The following TDRP variants were observed in gnomAD, a reference collection of about 807,000 sequenced individuals.
TDRP encodes testis development related protein.
In TDRP, 12 loss-of-function variants were observed where a neutral mutation model predicts 10.5. The ratio of observed to expected loss-of-function variants is 1.15; its 90% confidence interval spans 0.73 to 1.86. The LOEUF (loss-of-function observed/expected upper bound fraction) is 1.86. TDRP is among the 40% of genes most tolerant of loss of function. The pLI, the probability that TDRP is intolerant of heterozygous loss-of-function variation, is 0.00. For synonymous variants in TDRP, 139 were observed against 95.4 expected (o/e 1.46, Z -2.67); for missense variants, 353 against 229.2 (o/e 1.54, Z -3.49).
chr8:522,745 C>G (rs1801939351), intron 1 of TDRP, among the ~76,000 whole-genome samples: 1 of 152,190 alleles, frequency 6.6e-6, no homozygotes, highest in South Asian at 2.1e-4. Context: ...ACCCCTGCCT[C>G]TGATTCCTCA....
intron 1 of TDRP, among the ~76,000 whole-genome samples, chr8:536,837 C>T (rs1802360127): frequency 6.6e-6 from 1 of 152,162 alleles, no homozygotes; most frequent in African/African-American, 2.4e-5. Context: ...GAATAAGCAG[C>T]GCCCAGGATC....
At chr8:503,970 G>C (rs565977782) in intron 1 of TDRP, among the ~76,000 whole-genome samples, 1 of 108,282 alleles carries the variant, frequency 9.2e-6, no homozygotes, top group Non-Finnish European at 1.9e-5. Context: ...CTCAGCACAA[G>C]TCAACATGGA....
chr8:520,938 A>G (rs1801886076), intron 1 of TDRP, among the ~76,000 whole-genome samples: 1 of 151,940 alleles, frequency 6.6e-6, no homozygotes, highest in African/African-American at 2.4e-5. Context: ...TTAAATTTTG[A>G]TATGCTTCAA....
rs1165213677 is a variant in TDRP, at chr8:491,294, T to C, written c.*1105A>G. ...TTTACTTTTAAACAAAAAAGAAAAATATACCTTTTCTTTCAAACCACTTTT... is the reference window on the plus strand; with the variant it reads ...TTTACTTTTAAACAAAAAAGAAAAACATACCTTTTCTTTCAAACCACTTTT... On this transcript the variant is annotated 3_prime_UTR_variant, in exon 3 of 3. Transcript: ENST00000324079. 2 of 252,652 alleles carry C rather than the reference T, an allele frequency of 7.9e-6. No homozygotes were observed. Among genetic ancestry groups the C allele is most frequent in the Admixed American group, 5.5e-5 (1 of 18,278 alleles). The allele number at this position is 252,652 out of a possible 1,614,324, so 15.7% of individuals were successfully genotyped here.
chr8:526,429 T>A (rs1237806423), intron 1 of TDRP, among the ~76,000 whole-genome samples: 1 of 152,196 alleles, frequency 6.6e-6, no homozygotes, highest in Non-Finnish European at 1.5e-5. Flanking sequence ...TGAAGAGATG[T>A]TGAATTTTAT....
intron 1 of TDRP, among the ~76,000 whole-genome samples, chr8:518,020 C>A (rs958300469): frequency 6.6e-6 from 1 of 152,180 alleles, no homozygotes; most frequent in African/African-American, 2.4e-5. Context: ...AACCACCAGG[C>A]CTGATGCTAC....
chr8:533,367 C>T (rs911668526), intron 1 of TDRP, among the ~76,000 whole-genome samples: 3 of 152,176 alleles, frequency 2.0e-5, no homozygotes, highest in Admixed American at 1.3e-4. Context: ...ACTGTCAGGG[C>T]ACGCCCTTCT....
chr8:526,517 G>C (rs1192913464), intron 1 of TDRP, among the ~76,000 whole-genome samples: 1 of 152,084 alleles, frequency 6.6e-6, no homozygotes, highest in Non-Finnish European at 1.5e-5. Context: ...TATCACGTTG[G>C]TTGATTTGCA....
At chr8:510,819 T>C (rs559255346) in intron 1 of TDRP, among the ~76,000 whole-genome samples, 4 of 152,344 alleles carry the variant, frequency 2.6e-5, no homozygotes, top group Admixed American at 1.3e-4. Flanking sequence ...ATGGTAATTA[T>C]GTAATTATAA....
intron 1 of TDRP, among the ~76,000 whole-genome samples, chr8:502,059 C>T (rs1434894280): frequency 1.3e-5 from 2 of 152,196 alleles, no homozygotes; most frequent in Admixed American, 6.5e-5. Context: ...TTCTTGGCAT[C>T]GCCATTGGCT....
chr8:496,760 C>A (rs1801147897), intron 1 of TDRP, among the ~76,000 whole-genome samples: 1 of 152,140 alleles, frequency 6.6e-6, no homozygotes, highest in Non-Finnish European at 1.5e-5. Flanking sequence ...AACCATAATC[C>A]CCATGTGTCA....
chr8:518,162 G>T (rs1357498540), intron 1 of TDRP, among the ~76,000 whole-genome samples: 1 of 152,172 alleles, frequency 6.6e-6, no homozygotes, highest in South Asian at 2.1e-4. Flanking sequence ...TTTTAACAAA[G>T]GCACCGCTCT....
In TDRP at chr8:491,537, G is replaced by T. The variant is rs1800973013; in HGVS notation, c.*862C>A. ...TCACAATAGGCATCTCGCTTTGCAA[G>T]AACAAACATATGAGCCTAATAAAAA... On this transcript the variant is annotated 3_prime_UTR_variant, in exon 3 of 3. Transcript: ENST00000324079. 4 of 1,394,528 alleles carry T rather than the reference G, an allele frequency of 2.9e-6. No individual in the cohort carries two copies. The highest frequency in any genetic ancestry group is 1.4e-5 in the South Asian group (1 of 70,812). 86.4% of individuals were successfully genotyped at this position (1,394,528 alleles called of 1,614,324 possible). A position where few individuals can be genotyped will look rare whatever the true frequency, so the allele number is the denominator to read the frequency against.
At chr8:540,165 G>A (rs2116880304) in intron 1 of TDRP, among the ~76,000 whole-genome samples, 1 of 152,332 alleles carries the variant, frequency 6.6e-6, no homozygotes, top group Non-Finnish European at 1.5e-5. Context: ...TTTGAGGGCA[G>A]AGGTTAGAAG....
chr8:498,591 T>C (rs1208435342), intron 1 of TDRP, among the ~76,000 whole-genome samples: 1 of 152,184 alleles, frequency 6.6e-6, no homozygotes, highest in Non-Finnish European at 1.5e-5. Flanking sequence ...AGACTTTGGA[T>C]TTGACTTTTG....
intron 1 of TDRP, among the ~76,000 whole-genome samples, chr8:519,946 G>A (rs771855177): frequency 6.6e-6 from 1 of 152,182 alleles, no homozygotes; most frequent in Non-Finnish European, 1.5e-5. Flanking sequence ...AGATAAGTGG[G>A]CAATTTATGT....
At position 492,208 on chromosome 8, in the gene TDRP, A is replaced by G; in HGVS notation, c.*191T>C. ...CTGCAATAAGGCAATCAAATGTACA[A>G]TCCCTGCACGTGTTCACCAAGGAGT... On this transcript the variant is annotated 3_prime_UTR_variant, in exon 3 of 3. Coordinates refer to ENST00000324079, the MANE Select transcript of TDRP (RefSeq NM_001384899.1). 7.8e-7 allele frequency: 1 copy of G among 1,274,638 alleles called. No individual in the cohort carries two copies. The highest frequency in any genetic ancestry group is 9.9e-7 in the Non-Finnish European group (1 of 1,014,096). 79.0% of individuals were successfully genotyped at this position (1,274,638 alleles called of 1,614,324 possible).
At chr8:504,238 A>T (rs1000212146) in intron 1 of TDRP, among the ~76,000 whole-genome samples, 17 of 152,326 alleles carry the variant, frequency 1.1e-4, no homozygotes, top group African/African-American at 2.9e-4. Context: ...TTCTGCAAAC[A>T]TATCTTTTAA....
At chr8:532,128 C>G (rs1291522803) in intron 1 of TDRP, among the ~76,000 whole-genome samples, 1 of 152,206 alleles carries the variant, frequency 6.6e-6, no homozygotes, top group Admixed American at 6.5e-5. Context: ...GGACACTGCT[C>G]TCATCCATAG....
Sources: allele counts gnomAD v4.1 joint callset (sites outside exome capture counted in the v4.1 genomes callset), GRCh38; gene constraint gnomAD v4.1.1; transcripts MANE v1.5; gene names NCBI Gene and HGNC (gene_info 2026-07-23, HGNC 2026-07-21).